The following NEK7 variants were observed in gnomAD, a reference collection of about 807,000 sequenced individuals.
NEK7 encodes NIMA related kinase 7.
NEK7 carries 18 observed loss-of-function variants against 44.6 expected under a neutral mutation model. That is an observed-to-expected ratio of 0.40 (90% CI 0.28 to 0.60). The LOEUF (loss-of-function observed/expected upper bound fraction) is 0.60. Among genes scored for constraint, NEK7 ranks in the 20% least tolerant of loss-of-function variants. NEK7 has a pLI of 0.38. For synonymous variants in NEK7, 130 were observed against 121.1 expected, an observed-to-expected ratio of 1.07 and a Z score of -0.48; for missense variants, 256 against 366.5, an observed-to-expected ratio of 0.70 and a Z score of 2.46.
chr1:198,301,524 TG>T (rs1418859308), intron 9 of NEK7, among the ~76,000 whole-genome samples: 2 of 152,250 alleles, frequency 1.3e-5, no homozygotes, highest in Admixed American at 6.5e-5. Context: ...CGTTCCAGCC[TG>T]GGCGACAGAG....
chr1:198,255,700 T>A (rs1653235975), intron 3 of NEK7, among the ~76,000 whole-genome samples: 1 of 152,188 alleles, frequency 6.6e-6, no homozygotes, highest in Non-Finnish European at 1.5e-5. Flanking sequence ...TAAAGTTTAT[T>A]CTTTTGGATT....
At chr1:198,189,561 G>A (rs769081468) in intron 1 of NEK7, among the ~76,000 whole-genome samples, 12 of 151,808 alleles carry the variant, frequency 7.9e-5, no homozygotes, top group Admixed American at 2.0e-4. Flanking sequence ...ACAAATTTTC[G>A]GCCTGGGTTG....
chr1:198,275,324 A>AT (rs1363729463), intron 5 of NEK7, among the ~76,000 whole-genome samples: 1 of 151,416 alleles, frequency 6.6e-6, no homozygotes, highest in Non-Finnish European at 1.5e-5. Context: ...TTGCAATTCT[A>AT]TTTCATAGCA....
intron 9 of NEK7, among the ~76,000 whole-genome samples, chr1:198,305,978 T>C (rs1460098421): frequency 6.6e-6 from 1 of 152,102 alleles, no homozygotes; most frequent in African/African-American, 2.4e-5. Flanking sequence ...CCGGGCAGTA[T>C]AATATAGTAC....
chr1:198,209,860 A>G (rs1665712902), intron 1 of NEK7, among the ~76,000 whole-genome samples: 1 of 152,130 alleles, frequency 6.6e-6, no homozygotes, highest in Non-Finnish European at 1.5e-5. Context: ...TCTGTCACCC[A>G]GGTTGGAGTG....
At chr1:198,202,272 T>A (rs1006552576) in intron 1 of NEK7, among the ~76,000 whole-genome samples, 37 of 151,478 alleles carry the variant, frequency 2.4e-4, no homozygotes, top group South Asian at 2.1e-4. Flanking sequence ...AAAAAAAAAA[T>A]GTGACCCAGC....
intron 1 of NEK7, among the ~76,000 whole-genome samples, chr1:198,218,221 T>C (rs1665982263): frequency 6.6e-6 from 1 of 151,776 alleles, no homozygotes; most frequent in South Asian, 2.1e-4. Context: ...TAAAAGTAGA[T>C]GCAAAGACTA....
At chr1:198,289,755 A>C (rs1654490606) in intron 7 of NEK7, among the ~76,000 whole-genome samples, 1 of 152,214 alleles carries the variant, frequency 6.6e-6, no homozygotes, top group African/African-American at 2.4e-5. Context: ...ATTTAGTGAT[A>C]TCTTCCATAA....
At chr1:198,166,173 T>C (rs1558038213) in intron 1 of NEK7, among the ~76,000 whole-genome samples, 1 of 152,262 alleles carries the variant, frequency 6.6e-6, no homozygotes, top group African/African-American at 2.4e-5. Context: ...TAAGGCTGTT[T>C]CACTTTCTTA....
intron 1 of NEK7, among the ~76,000 whole-genome samples, chr1:198,165,171 C>T (rs1245732821): frequency 2.0e-5 from 3 of 152,190 alleles, no homozygotes; most frequent in Admixed American, 6.5e-5. Flanking sequence ...GAAATCTTGA[C>T]TCCCTCAAAG....
chr1:198,161,116 G>C (rs1388227930), intron 1 of NEK7, among the ~76,000 whole-genome samples: 1 of 152,188 alleles, frequency 6.6e-6, no homozygotes, highest in Non-Finnish European at 1.5e-5. Flanking sequence ...GTGTTAAGCG[G>C]AACAATATAT....
chr1:198,285,285 T>G (rs953718671), intron 7 of NEK7, among the ~76,000 whole-genome samples: 3 of 152,128 alleles, frequency 2.0e-5, no homozygotes, highest in African/African-American at 7.2e-5. Context: ...TAAATATTGA[T>G]TAAATGAATG....
chr1:198,226,922 G>A (rs1447833197), intron 1 of NEK7, among the ~76,000 whole-genome samples: 1 of 151,846 alleles, frequency 6.6e-6, no homozygotes, highest in African/African-American at 2.4e-5. Context: ...CAACGTGCAG[G>A]TTAGTTACAT....
intron 8 of NEK7, 70 bp from the exon 9 acceptor site, chr1:198,297,056 TA>T: frequency 1.0e-6 from 1 of 986,044 alleles, no homozygotes. Flanking sequence ...TACCCCCGTA[TA>T]ATATACTTGA....
At chr1:198,252,065 G>A (rs2102921343) in intron 2 of NEK7, among the ~76,000 whole-genome samples, 1 of 152,096 alleles carries the variant, frequency 6.6e-6, no homozygotes, top group Admixed American at 6.5e-5. Flanking sequence ...AGAGATTCTG[G>A]TACGTTGTGT....
chr1:198,178,927 G>A (rs1426867675), intron 1 of NEK7, among the ~76,000 whole-genome samples: 2 of 151,614 alleles, frequency 1.3e-5, no homozygotes, highest in Non-Finnish European at 2.9e-5. Context: ...ATCTCATTTG[G>A]TTCAGTAAGA....
intron 1 of NEK7, among the ~76,000 whole-genome samples, chr1:198,174,762 G>T (rs1558041829): frequency 6.6e-6 from 1 of 150,950 alleles, no homozygotes; most frequent in African/African-American, 2.4e-5. Flanking sequence ...GTTTTTTGTT[G>T]TTTTTTTTGG....
chr1:198,292,687 G>A (rs1330629741), intron 7 of NEK7, among the ~76,000 whole-genome samples: 6 of 151,644 alleles, frequency 4.0e-5, no homozygotes, highest in Non-Finnish European at 7.4e-5. Context: ...GTTATGCTCC[G>A]TTGATTCTTC....
At chr1:198,297,928 A>T (rs940466052) in intron 9 of NEK7, among the ~76,000 whole-genome samples, 1 of 152,216 alleles carries the variant, frequency 6.6e-6, no homozygotes, top group Admixed American at 6.5e-5. Context: ...TTGGTAACCC[A>T]TTGAAGTGAG....
Sources: allele counts gnomAD v4.1 joint callset (sites outside exome capture counted in the v4.1 genomes callset), GRCh38; gene constraint gnomAD v4.1.1; transcripts MANE v1.5; gene names NCBI Gene and HGNC (gene_info 2026-07-23, HGNC 2026-07-21).